The following MYO1D variants were observed in gnomAD, a reference collection of about 807,000 sequenced individuals.
MYO1D encodes myosin ID, also known as unconventional myosin-Id.
A neutral mutation model predicts 122.0 loss-of-function variants in MYO1D; 83 were observed. That is an observed-to-expected ratio of 0.68 (90% CI 0.57 to 0.82). MYO1D has a LOEUF of 0.82. Ranked by LOEUF, MYO1D falls within the 40% of genes least tolerant of loss-of-function variation. MYO1D has a pLI of 0.00. For missense variants in MYO1D, 1,157 were observed against 1,269.5 expected, an observed-to-expected ratio of 0.91 and a Z score of 1.35; for synonymous variants, 464 against 446.9, an observed-to-expected ratio of 1.04 and a Z score of -0.48.
intron 21 of MYO1D, among the ~76,000 whole-genome samples, chr17:32,540,923 C>CAAA (rs33945323): frequency 8.3e-5 from 7 of 83,840 alleles, no homozygotes; most frequent in African/African-American, 1.2e-4. Context: ...GACTTCGTCT[C>CAAA]AAAAAAAAAA....
intron 16 of MYO1D, among the ~76,000 whole-genome samples, chr17:32,694,345 C>T (rs2089143339): frequency 6.6e-6 from 1 of 152,156 alleles, no homozygotes; most frequent in Non-Finnish European, 1.5e-5. Context: ...TACTAATTGC[C>T]AGACTAGGTG....
chr17:32,577,761 C>A (rs1377487669), intron 21 of MYO1D, among the ~76,000 whole-genome samples: 1 of 149,410 alleles, frequency 6.7e-6, no homozygotes, highest in South Asian at 2.1e-4. Flanking sequence ...TCTTTTGAGA[C>A]GGAGTCTTGC....
At chr17:32,799,795 C>T (rs2090445837) in intron 1 of MYO1D, among the ~76,000 whole-genome samples, 1 of 151,992 alleles carries the variant, frequency 6.6e-6, no homozygotes, top group African/African-American at 2.4e-5. Flanking sequence ...ACAAATTGTA[C>T]TTTGGAAAGG....
chr17:32,549,194 G>A (rs2086990179), intron 21 of MYO1D, among the ~76,000 whole-genome samples: 1 of 152,162 alleles, frequency 6.6e-6, no homozygotes, highest in African/African-American at 2.4e-5. Flanking sequence ...TTGGGCTCAA[G>A]TGAGCCTCCC....
intron 10 of MYO1D, among the ~76,000 whole-genome samples, chr17:32,756,659 C>T (rs1439566175): frequency 1.3e-5 from 2 of 151,256 alleles, no homozygotes; most frequent in South Asian, 2.1e-4. Flanking sequence ...TTGGTTTCCC[C>T]AAAGTTAAAA....
At chr17:32,828,243 G>T (rs2090740097) in intron 1 of MYO1D, among the ~76,000 whole-genome samples, 1 of 152,094 alleles carries the variant, frequency 6.6e-6, no homozygotes, top group Admixed American at 6.5e-5. Context: ...GAGGCCGGGC[G>T]CAGTGGCTCA....
intron 21 of MYO1D, among the ~76,000 whole-genome samples, chr17:32,544,071 G>A (rs943348003): frequency 1.3e-5 from 2 of 151,452 alleles, no homozygotes; most frequent in Admixed American, 6.6e-5. Context: ...GGGACTACAG[G>A]TGTGAGCCAC....
intron 21 of MYO1D, among the ~76,000 whole-genome samples, chr17:32,591,959 C>A (rs2087443075): frequency 6.6e-6 from 1 of 152,168 alleles, no homozygotes; most frequent in African/African-American, 2.4e-5. Flanking sequence ...CTGTCATAGT[C>A]TTTTTCATGG....
chr17:32,760,151 T>G, intron 10 of MYO1D, 139 bp downstream of exon 10: 1 of 823,204 alleles, frequency 1.2e-6, no homozygotes, highest in Non-Finnish European at 2.1e-6. Flanking sequence ...ATTAATTGTA[T>G]TTACATATCC....
chr17:32,585,316 A>G (rs2087376780), intron 21 of MYO1D, among the ~76,000 whole-genome samples: 2 of 152,278 alleles, frequency 1.3e-5, no homozygotes, highest in African/African-American at 4.8e-5. Context: ...AAGACCAGAT[A>G]TAACTCTTTG....
chr17:32,795,154 T>C (rs2090400931), intron 1 of MYO1D, among the ~76,000 whole-genome samples: 1 of 152,172 alleles, frequency 6.6e-6, no homozygotes, highest in Admixed American at 6.5e-5. Flanking sequence ...GACTATGCAA[T>C]CTGTTTGAGA....
chr17:32,765,740 G>C (rs147258643), intron 7 of MYO1D, among the ~76,000 whole-genome samples: 1 of 152,180 alleles, frequency 6.6e-6, no homozygotes, highest in Non-Finnish European at 1.5e-5. Context: ...TTACAGGCGT[G>C]AGCCACCGCG....
At chr17:32,793,683 T>C (rs1013920789) in intron 1 of MYO1D, among the ~76,000 whole-genome samples, 1 of 152,146 alleles carries the variant, frequency 6.6e-6, no homozygotes, top group African/African-American at 2.4e-5. Context: ...CCACAGCCCA[T>C]CAGTGCAGCA....
chr17:32,535,610 G>T (rs1401427739), intron 21 of MYO1D, among the ~76,000 whole-genome samples: 4 of 152,164 alleles, frequency 2.6e-5, no homozygotes, highest in Non-Finnish European at 4.4e-5. Flanking sequence ...AATTAGCTGG[G>T]TGTGGTGGTG....
intron 21 of MYO1D, among the ~76,000 whole-genome samples, chr17:32,547,978 G>A: frequency 6.6e-6 from 1 of 151,476 alleles, no homozygotes; most frequent in South Asian, 2.1e-4. Flanking sequence ...ACTACGGAGA[G>A]TGGTCCATTT....
chr17:32,797,249 G>A (rs535880898), intron 1 of MYO1D, among the ~76,000 whole-genome samples: 3 of 152,292 alleles, frequency 2.0e-5, no homozygotes, highest in African/African-American at 7.2e-5. Flanking sequence ...GATTACAGGC[G>A]TAAGCCATCA....
At chr17:32,733,643 G>A (rs2089665412) in intron 14 of MYO1D, among the ~76,000 whole-genome samples, 1 of 152,134 alleles carries the variant, frequency 6.6e-6, no homozygotes, top group Non-Finnish European at 1.5e-5. Context: ...GGCAGGCCCT[G>A]GGCTTCACTT....
At chr17:32,536,774 C>T (rs564360042) in intron 21 of MYO1D, among the ~76,000 whole-genome samples, 144 of 152,282 alleles carry the variant, frequency 9.5e-4, no homozygotes, top group Middle Eastern at 3.4e-3. Flanking sequence ...ATTCGATATC[C>T]TTAAACATTG....
At chr17:32,778,058 C>T (rs2090195886) in intron 3 of MYO1D, among the ~76,000 whole-genome samples, 3 of 152,184 alleles carry the variant, frequency 2.0e-5, no homozygotes, top group Non-Finnish European at 4.4e-5. Context: ...TCTCAGAACA[C>T]AGTTTTTTAA....
Sources: allele counts gnomAD v4.1 joint callset (sites outside exome capture counted in the v4.1 genomes callset), GRCh38; gene constraint gnomAD v4.1.1; transcripts MANE v1.5; gene names NCBI Gene and HGNC (gene_info 2026-07-23, HGNC 2026-07-21).